Variants in SYN3 observed in about 807,000 individuals in gnomAD.
SYN3 encodes synapsin III, also known as synapsin-3.
SYN3 carries 35 observed loss-of-function variants against 65.8 expected under a neutral mutation model. The observed-to-expected ratio is 0.53, with a 90% CI of 0.41 to 0.70. SYN3 has a LOEUF of 0.70. Among genes scored for constraint, SYN3 ranks in the 30% least tolerant of loss-of-function variants. The probability of loss-of-function intolerance (pLI) is 0.00; values close to 1 mark genes in which losing one functional copy is unlikely to be tolerated. For missense variants in SYN3, 680 were observed against 749.0 expected, an observed-to-expected ratio of 0.91 and a Z score of 1.08; for synonymous variants, 270 against 292.9, an observed-to-expected ratio of 0.92 and a Z score of 0.80.
At chr22:32,661,361 C>CG (rs1313755459) in intron 6 of SYN3, among the ~76,000 whole-genome samples, 2 of 152,214 alleles carry the variant, frequency 1.3e-5, no homozygotes, top group African/African-American at 4.8e-5. Flanking sequence ...AAAGTCAGCC[C>CG]GGGAACAAGT....
intron 6 of SYN3, among the ~76,000 whole-genome samples, chr22:32,642,780 A>G (rs114895510): frequency 0.013 from 1,970 of 151,882 alleles, 57 homozygotes; most frequent in African/African-American, 0.045. Context: ...GCTGTCTCGA[A>G]CTCCTAAGCT....
intron 6 of SYN3, among the ~76,000 whole-genome samples, chr22:32,762,403 T>C (rs982048442): frequency 1.2e-4 from 19 of 152,250 alleles, no homozygotes; most frequent in Admixed American, 6.5e-5. Flanking sequence ...GCAATGGCTT[T>C]AGTTTCTTTA....
At chr22:32,852,621 T>C (rs1206478050) in intron 6 of SYN3, among the ~76,000 whole-genome samples, 2 of 152,160 alleles carry the variant, frequency 1.3e-5, no homozygotes, top group Non-Finnish European at 2.9e-5. Context: ...CGAGCCGCCC[T>C]GTCTGACCTC....
intron 6 of SYN3, among the ~76,000 whole-genome samples, chr22:32,659,328 G>A (rs1426745977): frequency 6.6e-6 from 1 of 152,208 alleles, no homozygotes; most frequent in African/African-American, 2.4e-5. Context: ...AAGCCACGAA[G>A]AGTGTGCTGG....
chr22:32,870,253 T>C (rs994481910), intron 4 of SYN3, among the ~76,000 whole-genome samples: 4 of 152,226 alleles, frequency 2.6e-5, no homozygotes, highest in South Asian at 2.1e-4. Context: ...CCTTTGTATA[T>C]ACATTTTTGA....
chr22:32,791,830 C>G (rs1258993032), intron 6 of SYN3, among the ~76,000 whole-genome samples: 1 of 152,002 alleles, frequency 6.6e-6, no homozygotes, highest in Non-Finnish European at 1.5e-5. Context: ...TAGAAGAATA[C>G]CTGGTACCCA....
intron 1 of SYN3, among the ~76,000 whole-genome samples, chr22:33,016,332 A>C (rs1601911334): frequency 1.3e-5 from 2 of 152,340 alleles, no homozygotes; most frequent in Non-Finnish European, 2.9e-5. Context: ...TGAACTTGAA[A>C]TAGCCTTCTG....
intron 7 of SYN3, among the ~76,000 whole-genome samples, chr22:32,573,320 G>A (rs2058805058): frequency 6.6e-6 from 1 of 152,184 alleles, no homozygotes; most frequent in Non-Finnish European, 1.5e-5. Context: ...CACATGAGCT[G>A]CCTGGGTGAC....
rs368359986 is a variant in SYN3, at chr22:32,676,600, C to T, written c.712-79864G>A. ...TTGCCCAGGCTGGAATGCAGTGGCA[C>T]GATCTTGGCTCATGCAAACTCCACC... On this transcript the variant is annotated intron_variant, in intron 6 of 13. Transcript: ENST00000358763. Among the ~76,000 whole-genome samples, 456 of 127,548 alleles carry T rather than the reference C, an allele frequency of 3.6e-3. 2 individuals carry two copies. The highest frequency in any genetic ancestry group is 5.3e-3 in the Middle Eastern group (1 of 188). The allele number at this position is 127,548 out of a possible 152,430, so 83.7% of individuals were successfully genotyped here.
At chr22:33,040,231 C>T (rs1294429023) in intron 1 of SYN3, among the ~76,000 whole-genome samples, 1 of 151,948 alleles carries the variant, frequency 6.6e-6, no homozygotes, top group African/African-American at 2.4e-5. Flanking sequence ...CTCCTGACCC[C>T]GTGATCTCCC....
At chr22:32,684,406 A>T (rs1440921966) in intron 6 of SYN3, among the ~76,000 whole-genome samples, 1 of 152,186 alleles carries the variant, frequency 6.6e-6, no homozygotes, top group Non-Finnish European at 1.5e-5. Context: ...CTGGAATTCT[A>T]AGAAACAAAA....
At chr22:33,028,842 C>G (rs1601930902) in intron 1 of SYN3, among the ~76,000 whole-genome samples, 1 of 152,050 alleles carries the variant, frequency 6.6e-6, no homozygotes, top group Admixed American at 6.6e-5. Context: ...AGATCGAGAC[C>G]ATCCTGGCTA....
rs997308356 is a variant in SYN3, at chr22:32,858,025, T to C, written c.711+6890A>G. On this transcript the variant is annotated intron_variant, in intron 6 of 13. Transcript: ENST00000358763. ...CTTCTTTCCTCCTGTAGGTCGCGTC[T>C]ATGATGGCAAGATGTACACGGGGCT... The C allele has an allele frequency of 1.2e-6, 2 of 1,614,190 alleles. No homozygotes were observed. The highest frequency in any genetic ancestry group is 4.5e-5 in the East Asian group (2 of 44,864).
At chr22:32,763,933 GC>G (rs59896920) in intron 6 of SYN3, among the ~76,000 whole-genome samples, 13,516 of 141,768 alleles carry the variant, frequency 0.095, 779 homozygotes, top group Admixed American at 0.15. Flanking sequence ...TGGTGTAGAA[GC>G]CCCCCCCCCC....
At chr22:32,985,188 G>C (rs1440514335) in intron 2 of SYN3, among the ~76,000 whole-genome samples, 1 of 152,158 alleles carries the variant, frequency 6.6e-6, no homozygotes, top group South Asian at 2.1e-4. Context: ...ATGAAACAAG[G>C]CATACAAAGC....
At chr22:32,889,888 T>C (rs988714978) in intron 4 of SYN3, among the ~76,000 whole-genome samples, 1 of 151,996 alleles carries the variant, frequency 6.6e-6, no homozygotes, top group Admixed American at 6.6e-5. Flanking sequence ...AGGCTTTGAA[T>C]GTATAAAGGT....
rs2057660891 is a variant in SYN3, at chr22:32,508,853, C to CT, written c.*4838dup. Among the ~76,000 whole-genome samples the CT allele has an allele frequency of 6.6e-6, 1 of 152,190 alleles. No individual in the cohort carries two copies. The highest frequency in any genetic ancestry group is 1.5e-5 in the Non-Finnish European group (1 of 68,040). On this transcript the variant is annotated 3_prime_UTR_variant, in exon 14 of 14. Coordinates refer to ENST00000358763, the MANE Select transcript of SYN3 (RefSeq NM_003490.4). ...CTCTCTTGACCCATGCACAAGATAC[C>CT]TGCACTAGCTTGCCAGATGAGAACT...
intron 6 of SYN3, 70 bp downstream of exon 6, chr22:32,864,845 G>A: frequency 7.1e-7 from 1 of 1,406,444 alleles, no homozygotes; most frequent in East Asian, 2.3e-5. Flanking sequence ...TCCATCCAAA[G>A]AGACCGAGGA....
chr22:32,535,123 G>A (rs906539668), intron 9 of SYN3, among the ~76,000 whole-genome samples: 4 of 152,116 alleles, frequency 2.6e-5, no homozygotes, highest in Non-Finnish European at 5.9e-5. Context: ...GGCTCAGAGC[G>A]ATGATTAAGT....
Sources: allele counts gnomAD v4.1 joint callset (sites outside exome capture counted in the v4.1 genomes callset), GRCh38; gene constraint gnomAD v4.1.1; transcripts MANE v1.5; gene names NCBI Gene and HGNC (gene_info 2026-07-23, HGNC 2026-07-21).